The following LRRCC1 variants were observed in gnomAD, a reference collection of about 807,000 sequenced individuals.
The protein encoded by LRRCC1 is leucine-rich repeat and coiled-coil domain-containing protein 1.
In LRRCC1, 115 loss-of-function variants were observed where a neutral mutation model predicts 126.0. The observed-to-expected ratio is 0.91, with a 90% CI of 0.78 to 1.07. LRRCC1 has a LOEUF of 1.07. LRRCC1 is among the 50% of genes least tolerant of loss of function. The probability of loss-of-function intolerance (pLI) is 0.00; values close to 1 mark genes in which losing one functional copy is unlikely to be tolerated. For missense variants in LRRCC1, 1,172 were observed against 1,175.7 expected (o/e 1.00, Z 0.05); for synonymous variants, 400 against 393.4 (o/e 1.02, Z -0.20).
intron 13 of LRRCC1, 94 bp from the exon 14 acceptor site, chr8:85,135,695 C>A: frequency 1.2e-6 from 1 of 832,960 alleles, no homozygotes; most frequent in Non-Finnish European, 1.6e-6. Context: ...CTTGTATTTG[C>A]TTAAATAACA....
chr8:85,113,358 T>C (rs1451717179), intron 4 of LRRCC1, among the ~76,000 whole-genome samples: 3 of 152,102 alleles, frequency 2.0e-5, no homozygotes, highest in Non-Finnish European at 4.4e-5. Flanking sequence ...ATCATTATAG[T>C]ATATTCTTTT....
In LRRCC1 at chr8:85,110,165, A is replaced by G. The variant is rs1272483535; in HGVS notation, c.361A>G (p.Ile121Val). The change falls in exon 3 of 19, where the codon ATA (isoleucine) becomes GTA (valine). Residue 121 changes from isoleucine (I) to valine (V), a missense_variant. Ile to Val is a conservative substitution (Grantham distance 29). Coordinates refer to ENST00000360375, the MANE Select transcript of LRRCC1 (RefSeq NM_033402.5). ...TAGACTAAATGTATCTTATAACCAC[A>G]TAGATGATCTTAGTGGTAAGTAGAA... ...LTRLNVSYNH[I>V]DDLSGLIPLH... 2.3e-6 allele frequency: 3 copies of G among 1,320,918 alleles called. No individual in the cohort carries two copies. The South Asian group carries it at 4.5e-5, about 20-fold the overall frequency. 81.8% of individuals were successfully genotyped at this position (1,320,918 alleles called of 1,614,324 possible). A position where few individuals can be genotyped will look rare whatever the true frequency, so the allele number is the denominator to read the frequency against.
chr8:85,141,524 T>TA lies in LRRCC1; in HGVS notation c.2976+9dup. 6.3e-7 allele frequency: 1 copy of TA among 1,590,688 alleles called. No homozygotes were observed. Among genetic ancestry groups the TA allele is most frequent in the African/African-American group, 1.3e-5 (1 of 74,596 alleles). On this transcript the variant is annotated splice_region_variant and intron_variant, in intron 18 of 18. Coordinates refer to ENST00000360375, the MANE Select transcript of LRRCC1 (RefSeq NM_033402.5). ...TGATTCTGCAAATTTAAAGGTATTG[T>TA]AAGTAAAATTCACTTCAATAATCAG...
chr8:85,108,584 G>A (rs1035216257), intron 1 of LRRCC1: 1 of 152,166 alleles, frequency 6.6e-6, no homozygotes, highest in Non-Finnish European at 1.5e-5. Context: ...CTGTCATTAA[G>A]AGCATGTGTT....
In LRRCC1 at chr8:85,107,258, G is replaced by C; in HGVS notation, c.-38G>C. On this transcript the variant is annotated 5_prime_UTR_variant, in exon 1 of 19. Coordinates refer to ENST00000360375, the MANE Select transcript of LRRCC1 (RefSeq NM_033402.5). ...GTCCCAAGCTCACGGACCCCTCGCT[G>C]GGTGCCGGTTAAGACCCCGCTCCCC... is the stretch of plus-strand genomic sequence containing the variant. 1.3e-6 allele frequency: 2 copies of C among 1,576,884 alleles called. No homozygotes were observed. The highest frequency in any genetic ancestry group is 1.7e-6 in the Non-Finnish European group (2 of 1,160,448).
chr8:85,114,100 A>G (rs889811816), intron 4 of LRRCC1, among the ~76,000 whole-genome samples: 9 of 152,070 alleles, frequency 5.9e-5, no homozygotes, highest in Admixed American at 5.2e-4. Context: ...AATATTTCCT[A>G]TTCTTTTCCA....
intron 8 of LRRCC1, 121 bp downstream of exon 8, chr8:85,125,060 G>T: frequency 1.6e-6 from 1 of 618,530 alleles, no homozygotes; most frequent in African/African-American, 1.9e-5. Context: ...GATGAAAATG[G>T]GTTATTTTTT....
At chr8:85,132,511 G>A (rs1489462035) in intron 12 of LRRCC1, among the ~76,000 whole-genome samples, 1 of 150,528 alleles carries the variant, frequency 6.6e-6, no homozygotes, top group Non-Finnish European at 1.5e-5. Context: ...TGCTGTCTCA[G>A]CCTCCCAAGT....
Position 85,113,096 on chromosome 8 carries a change from C to A in LRRCC1, c.541C>A (p.Pro181Thr). ...DGDDNPVCRL[P>T]GYRAVILQTL... ...AGACGATAATCCTGTCTGTCGACTGCCAGGTATGAATAATTAATTTAATAT... is the reference window on the plus strand; with the variant it reads ...AGACGATAATCCTGTCTGTCGACTGACAGGTATGAATAATTAATTTAATAT... The change falls in exon 4 of 19, where the codon CCA becomes ACA. Residue 181 changes from proline to threonine, a missense_variant. Physicochemically the swap from Pro to Thr is conservative, Grantham distance 38. Coordinates refer to ENST00000360375, the MANE Select transcript of LRRCC1 (RefSeq NM_033402.5). The A allele has an allele frequency of 6.2e-7, 1 of 1,600,498 alleles. No homozygotes were observed. Among genetic ancestry groups the A allele is most frequent in the Non-Finnish European group, 8.5e-7 (1 of 1,173,896 alleles).
Position 85,124,821 on chromosome 8 carries a change from T to C in LRRCC1, c.1154T>C (p.Leu385Pro), listed in dbSNP as rs755480547. 2.5e-6 allele frequency: 4 copies of C among 1,578,418 alleles called. No individual in the cohort carries two copies. In the South Asian group the frequency reaches 4.7e-5, roughly 19 times the overall value. The change falls in exon 8 of 19, where the codon CTT becomes CCT. Residue 385 changes from leucine (L) to proline (P), a missense_variant. Physicochemically the swap from Leu to Pro is moderately conservative, Grantham distance 98. Transcript: ENST00000360375. ...SCNRKMKPPYLKELYVSSSLA... is the reference protein window; with the variant it reads ...SCNRKMKPPYPKELYVSSSLA... ...AATCGTAAAATGAAACCACCTTACCTTAAAGAATTATATGTAAGCTCATCT... is the reference window on the plus strand; with the variant it reads ...AATCGTAAAATGAAACCACCTTACCCTAAAGAATTATATGTAAGCTCATCT...
chr8:85,141,477 C>T lies in LRRCC1; in HGVS notation c.2936C>T (p.Ala979Val), dbSNP rs1450180913. The change falls in exon 18 of 19, where the codon GCC becomes GTC. Residue 979 changes from alanine to valine, a missense_variant. Transcript: ENST00000360375. The part of the protein sequence containing the change: ...EAHQAEIAQL[A>V]NEKQKCIDSA... ...CATCAAGCTGAAATAGCACAGCTGGCCAATGAAAAGCAGAAGTGTATTGAT... is the reference window on the plus strand; with the variant it reads ...CATCAAGCTGAAATAGCACAGCTGGTCAATGAAAAGCAGAAGTGTATTGAT... 6 of 1,612,308 alleles carry T rather than the reference C, an allele frequency of 3.7e-6. No homozygotes were observed. In the African/African-American group the frequency reaches 8.0e-5, roughly 22 times the overall value.
At chr8:85,130,179 A>G in intron 11 of LRRCC1, 121 bp downstream of exon 11, 2 of 679,062 alleles carry the variant, frequency 2.9e-6, no homozygotes, top group Non-Finnish European at 2.2e-6. Context: ...TCTGTCGTCC[A>G]GGCTGGAGTG....
rs1809707872 is a variant in LRRCC1 at position 85,123,277 on chromosome 8, C to T, written c.931-136C>T. The T allele has an allele frequency of 8.5e-6, 5 of 585,134 alleles. No homozygotes were observed. The South Asian group carries it at 1.3e-4, about 15-fold the overall frequency. The allele number at this position is 585,134 out of a possible 1,614,324, so 36.2% of individuals were successfully genotyped here. ...CTTGTCCATACCAGAAGCTGAATTC[C>T]CTGTCTTTAATATCAAACATTTCTA... On this transcript the variant is annotated intron_variant, in intron 6 of 18. Transcript: ENST00000360375.
At chr8:85,130,140 T>C (rs1323107414) in intron 11 of LRRCC1, 82 bp downstream of exon 11, 88 of 1,036,896 alleles carry the variant, frequency 8.5e-5, no homozygotes, top group Non-Finnish European at 1.1e-4. Context: ...CCAGTATTTT[T>C]TTTTTTTTTT....
intron 6 of LRRCC1, among the ~76,000 whole-genome samples, chr8:85,116,156 A>C (rs1163901199): frequency 6.6e-6 from 1 of 152,168 alleles, no homozygotes. Flanking sequence ...CAATTCCTAG[A>C]ATTTACTGCT....
chr8:85,123,501 G>GA lies in LRRCC1; in HGVS notation c.1023dup (p.Glu342ArgfsTer4). 1 of 1,611,336 alleles carries GA rather than the reference G, an allele frequency of 6.2e-7. No homozygotes were observed. Among genetic ancestry groups the GA allele is most frequent in the Non-Finnish European group, 8.5e-7 (1 of 1,178,832 alleles). ...ACTTCTGAAAGTGACTATGGAAACA[G>GA]AAAAGAATGCAATAGAAAAGTTCCT... On this transcript the variant is annotated frameshift_variant, in exon 7 of 19. Transcript: ENST00000360375. LOFTEE classifies it high-confidence loss of function.
chr8:85,116,145 A>G (rs1380862898), intron 6 of LRRCC1, among the ~76,000 whole-genome samples: 4 of 152,214 alleles, frequency 2.6e-5, no homozygotes, highest in African/African-American at 4.8e-5. Flanking sequence ...TGTATGAACT[A>G]CAATTCCTAG....
intron 11 of LRRCC1, among the ~76,000 whole-genome samples, chr8:85,130,766 G>A (rs1468332088): frequency 2.0e-5 from 3 of 152,152 alleles, no homozygotes; most frequent in African/African-American, 7.2e-5. Flanking sequence ...AACTTTTTCT[G>A]TAAAGGGTCA....
intron 18 of LRRCC1, among the ~76,000 whole-genome samples, chr8:85,142,831 C>A (rs1236064808): frequency 6.6e-3 from 788 of 119,030 alleles, no homozygotes; most frequent in South Asian, 8.8e-3. Context: ...GACCCTGTCT[C>A]AAAAAAAAAA....
Sources: gnomAD v4.1 joint callset for allele counts (sites outside exome capture counted in the v4.1 genomes callset) on GRCh38, gnomAD v4.1.1 for gene constraint, MANE v1.5 for transcripts, NCBI Gene and HGNC (gene_info 2026-07-23, HGNC 2026-07-21) for gene names.